The following EPHB2 variants were observed in gnomAD, a reference collection of about 807,000 sequenced individuals.
EPHB2 encodes the protein EPH receptor B2, also known as ephrin type-B receptor 2.
In EPHB2, 18 loss-of-function variants were observed where a neutral mutation model predicts 96.4. That is an observed-to-expected ratio of 0.19 (90% CI 0.13 to 0.28). The LOEUF is 0.28. Ranked by LOEUF, EPHB2 falls within the 10% of genes least tolerant of loss-of-function variation. EPHB2 has a pLI of 1.00. For synonymous variants in EPHB2, 506 were observed against 534.1 expected, an observed-to-expected ratio of 0.95 and a Z score of 0.72; for missense variants, 989 against 1,355.4, an observed-to-expected ratio of 0.73 and a Z score of 4.25.
chr1:22,857,810 T>C (rs1029160576), intron 3 of EPHB2, among the ~76,000 whole-genome samples: 1 of 152,060 alleles, frequency 6.6e-6, no homozygotes, highest in Non-Finnish European at 1.5e-5. Flanking sequence ...GCACATTGAT[T>C]CAATCAACCT....
chr1:22,888,766 A>G (rs1366062624), intron 6 of EPHB2, among the ~76,000 whole-genome samples: 1 of 149,402 alleles, frequency 6.7e-6, no homozygotes, highest in Non-Finnish European at 1.5e-5. Context: ...CTTGGCATTT[A>G]TTGTTCCATT....
chr1:22,760,363 C>G (rs1451106441), intron 1 of EPHB2, among the ~76,000 whole-genome samples: 1 of 152,160 alleles, frequency 6.6e-6, no homozygotes, highest in Admixed American at 6.5e-5. Context: ...AAGGTCAATT[C>G]CACGCATGGT....
At chr1:22,844,266 T>C (rs1557708158) in intron 3 of EPHB2, among the ~76,000 whole-genome samples, 1 of 152,246 alleles carries the variant, frequency 6.6e-6, no homozygotes, top group South Asian at 2.1e-4. Flanking sequence ...TGCCACACTG[T>C]TATTAAAACA....
In EPHB2 at chr1:22,867,890, A is replaced by AT. The variant is rs201693519; in HGVS notation, c.1303+2678_1303+2679insT. On this transcript the variant is annotated intron_variant, in intron 5 of 15. Transcript: ENST00000374630. ...CCATCTCGAAGAAGAAGAAAAAAAA[A>AT]GTCAACAAGTGATAGAAAAGACCCC... is the stretch of plus-strand genomic sequence containing the variant. Among the ~76,000 whole-genome samples, 594 of 152,354 alleles carry AT rather than the reference A, an allele frequency of 3.9e-3. 2 individuals are homozygous for AT. Among genetic ancestry groups the AT allele is most frequent in the Middle Eastern group, 0.024 (7 of 294 alleles).
At chr1:22,814,565 C>T (rs1645046283) in intron 3 of EPHB2, among the ~76,000 whole-genome samples, 1 of 152,228 alleles carries the variant, frequency 6.6e-6, no homozygotes, top group Admixed American at 6.5e-5. Context: ...AGCCTCCTTG[C>T]ACTGCATCAT....
chr1:22,853,915 A>AG (rs553342765), intron 3 of EPHB2, among the ~76,000 whole-genome samples: 99 of 152,308 alleles, frequency 6.5e-4, no homozygotes, highest in Middle Eastern at 3.4e-3. Context: ...CCTTGGGCAA[A>AG]GGGGAGGCAT....
chr1:22,798,220 A>G (rs766962612), intron 3 of EPHB2, among the ~76,000 whole-genome samples: 2 of 152,058 alleles, frequency 1.3e-5, no homozygotes, highest in Non-Finnish European at 2.9e-5. Context: ...GACCCTTTCA[A>G]TCCTGCTGGG....
chr1:22,812,067 G>T lies in EPHB2; in HGVS notation c.811+26991G>T, dbSNP rs1033375953. The stretch of plus-strand genomic sequence containing the variant: ...AAACGAAATAAAAACCCCAGCCACA[G>T]CCCTGCTTAGCTGTGTGGCCCGGGG... On this transcript the variant is annotated intron_variant, in intron 3 of 15. Coordinates refer to ENST00000374630, the MANE Select transcript of EPHB2 (RefSeq NM_017449.5). Among the ~76,000 whole-genome samples, 11 of 152,322 alleles carry T rather than the reference G, an allele frequency of 7.2e-5. No homozygotes were observed. In the South Asian group the frequency reaches 1.7e-3, roughly 23 times the overall value.
At chr1:22,850,696 G>T (rs4655131) in intron 3 of EPHB2, among the ~76,000 whole-genome samples, 64,958 of 152,056 alleles carry the variant, frequency 0.43, 14,440 homozygotes, top group East Asian at 0.82. Flanking sequence ...GGGGATACTC[G>T]ATCGGTCCCC....
chr1:22,836,326 A>G lies in EPHB2; in HGVS notation c.812-26711A>G, dbSNP rs537192336. Among the ~76,000 whole-genome samples the G allele has an allele frequency of 5.9e-5, 9 of 152,370 alleles. No homozygotes were observed. In the South Asian group the frequency reaches 1.9e-3, roughly 32 times the overall value. ...GCTCTCGGAGGCACAAAGATGAACC[A>G]GACAAGGAGTGCGCCGAGGCCCTTT... On this transcript the variant is annotated intron_variant, in intron 3 of 15. Transcript: ENST00000374630.
At chr1:22,770,860 T>G (rs1161817570) in intron 1 of EPHB2, among the ~76,000 whole-genome samples, 3 of 147,046 alleles carry the variant, frequency 2.0e-5, no homozygotes, top group Non-Finnish European at 3.0e-5. Context: ...GTGGGACAGA[T>G]GGATGGGGTG....
chr1:22,770,832 G>A (rs1000403662), intron 1 of EPHB2, among the ~76,000 whole-genome samples: 2 of 151,822 alleles, frequency 1.3e-5, no homozygotes, highest in African/African-American at 4.8e-5. Flanking sequence ...ACAGGTGGTA[G>A]AATACTGGGT....
Position 22,913,410 on chromosome 1 carries a change from C to T in EPHB2, c.2853-52C>T. The T allele has an allele frequency of 6.2e-7, 1 of 1,601,748 alleles. No homozygotes were observed. Among genetic ancestry groups the T allele is most frequent in the Non-Finnish European group, 8.5e-7 (1 of 1,173,888 alleles). ...AGCCCAGGCAGCTCTCTACCAGGCA[C>T]AGGACCCCTTCACCCGCATATTTCC... On this transcript the variant is annotated intron_variant, in intron 15 of 15. Coordinates refer to ENST00000374630, the MANE Select transcript of EPHB2 (RefSeq NM_017449.5). This position sits in a 1 kb window ranked among gnomAD's most constrained non-coding sequence, Gnocchi z 4.1.
intron 5 of EPHB2, among the ~76,000 whole-genome samples, chr1:22,874,629 A>G (rs376492171): frequency 6.6e-6 from 1 of 152,196 alleles, no homozygotes; most frequent in South Asian, 2.1e-4. Context: ...CCTCATTGGT[A>G]AAAAGGGAGG....
intron 1 of EPHB2, among the ~76,000 whole-genome samples, chr1:22,726,386 C>A (rs1002654542): frequency 1.3e-5 from 2 of 151,636 alleles, no homozygotes; most frequent in African/African-American, 4.8e-5. Context: ...TAATTTATCT[C>A]AACAACCCTG....
chr1:22,731,323 C>T (rs1643706268), intron 1 of EPHB2, among the ~76,000 whole-genome samples: 1 of 152,098 alleles, frequency 6.6e-6, no homozygotes, highest in Non-Finnish European at 1.5e-5. Context: ...TGCACAAGGC[C>T]CCTTCCCTCT....
chr1:22,750,630 G>C (rs537190989), intron 1 of EPHB2, among the ~76,000 whole-genome samples: 1 of 152,260 alleles, frequency 6.6e-6, no homozygotes, highest in Non-Finnish European at 1.5e-5. Flanking sequence ...TTTTCAATTG[G>C]GAAAAGCAGA....
At chr1:22,771,007 A>G (rs1352888032) in intron 1 of EPHB2, among the ~76,000 whole-genome samples, 4 of 152,194 alleles carry the variant, frequency 2.6e-5, no homozygotes, top group Admixed American at 1.3e-4. Context: ...TGGATTATCT[A>G]CTATGTGGAG....
chr1:22,880,617 C>A (rs1639007020), intron 5 of EPHB2, among the ~76,000 whole-genome samples: 1 of 152,268 alleles, frequency 6.6e-6, no homozygotes, highest in Non-Finnish European at 1.5e-5. Context: ...CTGGAGCAAA[C>A]AACTGCTCTG....
Sources: allele counts gnomAD v4.1 joint callset (sites outside exome capture counted in the v4.1 genomes callset), GRCh38; gene constraint gnomAD v4.1.1; non-coding constraint Gnocchi (gnomAD v3.1); transcripts MANE v1.5; gene names NCBI Gene and HGNC (gene_info 2026-07-23, HGNC 2026-07-21).